Variants in GNG12 observed in about 807,000 individuals in gnomAD.
GNG12 encodes the protein guanine nucleotide-binding protein G(I)/G(S)/G(O) subunit gamma-12.
For synonymous variants in GNG12, 28 were observed against 29.7 expected, an observed-to-expected ratio of 0.94 and a Z score of 0.19; for missense variants, 69 against 83.8, an observed-to-expected ratio of 0.82 and a Z score of 0.69.
intron 1 of GNG12, among the ~76,000 whole-genome samples, chr1:67,823,305 T>C (rs1297153993): frequency 6.6e-6 from 1 of 152,246 alleles, no homozygotes; most frequent in African/African-American, 2.4e-5. Context: ...ATCATCTTCA[T>C]CATGTTTTTT....
At chr1:67,806,980 A>T (rs1323589338) in intron 1 of GNG12, among the ~76,000 whole-genome samples, 2 of 152,170 alleles carry the variant, frequency 1.3e-5, no homozygotes, top group Admixed American at 1.3e-4. Context: ...CAACAACAGA[A>T]TATACATTCT....
chr1:67,709,915 TATATATAGTTATATATATAGTTA>T (rs1371682598), intron 2 of GNG12, among the ~76,000 whole-genome samples: 1 of 46,302 alleles, frequency 2.2e-5, no homozygotes, highest in African/African-American at 7.8e-5. Flanking sequence ...TATATAGTTA[TATATATAGTTATATATATAGTTA>T]TATATATATA....
At chr1:67,792,354 T>C (rs1178614760) in intron 1 of GNG12, among the ~76,000 whole-genome samples, 1 of 152,238 alleles carries the variant, frequency 6.6e-6, no homozygotes, top group Non-Finnish European at 1.5e-5. Context: ...AAATATTTTA[T>C]TGAACTTGAT....
chr1:67,717,093 T>C (rs1646329700), intron 2 of GNG12, among the ~76,000 whole-genome samples: 1 of 152,180 alleles, frequency 6.6e-6, no homozygotes, highest in African/African-American at 2.4e-5. Flanking sequence ...CAGATCTGTA[T>C]TCAAAGGCCT....
Position 67,703,872 on chromosome 1 carries a change from T to G in GNG12, c.*1579A>C, listed in dbSNP as rs926783211. The G allele has an allele frequency of 6.6e-6, 1 of 152,236 alleles. No individual in the cohort carries two copies. Among genetic ancestry groups the G allele is most frequent in the Non-Finnish European group, 1.5e-5 (1 of 68,034 alleles). 9.4% of individuals were successfully genotyped at this position (152,236 alleles called of 1,614,324 possible). A position where few individuals can be genotyped will look rare whatever the true frequency, so the allele number is the denominator to read the frequency against. On this transcript the variant is annotated 3_prime_UTR_variant, in exon 4 of 4. Coordinates refer to ENST00000370982, the MANE Select transcript of GNG12 (RefSeq NM_018841.6). ...AAAGGGGTTTGCTTTCCAGGACAGA[T>G]TGTACAAAATTTGGGAAAATCGTTG...
intron 2 of GNG12, among the ~76,000 whole-genome samples, chr1:67,749,116 T>C (rs1333703427): frequency 2.0e-5 from 3 of 152,186 alleles, no homozygotes; most frequent in Non-Finnish European, 4.4e-5. Flanking sequence ...GCAGAAGGTC[T>C]ACAGACATTA....
chr1:67,825,375 T>C (rs931686891), intron 1 of GNG12, among the ~76,000 whole-genome samples: 1 of 152,214 alleles, frequency 6.6e-6, no homozygotes, highest in African/African-American at 2.4e-5. Flanking sequence ...GTCCGAAGTA[T>C]GAACCAGCAC....
At chr1:67,831,687 C>CT (rs1647046074) in intron 1 of GNG12, among the ~76,000 whole-genome samples, 1 of 152,096 alleles carries the variant, frequency 6.6e-6, no homozygotes, top group South Asian at 2.1e-4. Context: ...CCTTTTATCA[C>CT]TTAAGACTCT....
intron 1 of GNG12, among the ~76,000 whole-genome samples, chr1:67,786,705 T>C (rs968775265): frequency 2.0e-5 from 3 of 152,012 alleles, no homozygotes; most frequent in South Asian, 2.1e-4. Flanking sequence ...GTGGATCACT[T>C]GAGGTCAGGG....
chr1:67,775,838 AG>A (rs1241901601), intron 2 of GNG12, among the ~76,000 whole-genome samples: 1 of 152,222 alleles, frequency 6.6e-6, no homozygotes, highest in Non-Finnish European at 1.5e-5. Context: ...GGAAAATTCC[AG>A]TAGGTCTTGC....
intron 2 of GNG12, among the ~76,000 whole-genome samples, chr1:67,772,905 C>T (rs1177958352): frequency 6.6e-6 from 1 of 152,214 alleles, no homozygotes; most frequent in Non-Finnish European, 1.5e-5. Context: ...GTACTGATAG[C>T]TACCTCTGCC....
chr1:67,737,357 C>A (rs1391637905), intron 2 of GNG12, among the ~76,000 whole-genome samples: 2 of 152,166 alleles, frequency 1.3e-5, no homozygotes, highest in African/African-American at 4.8e-5. Context: ...TAAATGATTT[C>A]TGTTCTAAGG....
rs1336642112 is a variant in GNG12, at chr1:67,818,412, G to GTT, written c.-77+14931_-77+14932insAA. Among the ~76,000 whole-genome samples, 904 of 112,524 alleles carry GTT rather than the reference G, an allele frequency of 8.0e-3. 17 individuals carry two copies. Among genetic ancestry groups the GTT allele is most frequent in the African/African-American group, 0.034 (869 of 25,356 alleles). 73.8% of individuals were successfully genotyped at this position (112,524 alleles called of 152,430 possible). A position where few individuals can be genotyped will look rare whatever the true frequency, so the allele number is the denominator to read the frequency against. On this transcript the variant is annotated intron_variant, in intron 1 of 3. Transcript: ENST00000370982. ...AAATTATTCATGGGGAAAGACCAGG[G>GTT]GTTTTTTTTTTTTTTTTTTTTTTTT...
chr1:67,714,195 A>T (rs183610799), intron 2 of GNG12, among the ~76,000 whole-genome samples: 25 of 151,664 alleles, frequency 1.6e-4, no homozygotes, highest in African/African-American at 6.1e-4. Flanking sequence ...AAAATCAGAA[A>T]ATCCTATAAA....
intron 1 of GNG12, among the ~76,000 whole-genome samples, chr1:67,833,022 A>G (rs1344427665): frequency 6.6e-6 from 1 of 151,650 alleles, no homozygotes; most frequent in African/African-American, 2.4e-5. Flanking sequence ...AGCCCCAGCC[A>G]CAGCCGTGGG....
chr1:67,766,402 C>T (rs1186890874), intron 2 of GNG12, among the ~76,000 whole-genome samples: 1 of 152,130 alleles, frequency 6.6e-6, no homozygotes, highest in Non-Finnish European at 1.5e-5. Flanking sequence ...GCTCCTGCTT[C>T]TTCTCAATAC....
chr1:67,811,642 G>A (rs1174240891), intron 1 of GNG12, among the ~76,000 whole-genome samples: 2 of 152,082 alleles, frequency 1.3e-5, no homozygotes, highest in African/African-American at 2.4e-5. Context: ...GCAACATCTA[G>A]CCTCAACTTG....
At chr1:67,746,228 A>G (rs778903232) in intron 2 of GNG12, among the ~76,000 whole-genome samples, 3 of 152,216 alleles carry the variant, frequency 2.0e-5, no homozygotes, top group Non-Finnish European at 4.4e-5. Flanking sequence ...AACTGGGATA[A>G]TTAAAGGCCA....
intron 2 of GNG12, among the ~76,000 whole-genome samples, chr1:67,723,816 T>C (rs1194162539): frequency 1.3e-5 from 2 of 152,130 alleles, no homozygotes; most frequent in East Asian, 1.9e-4. Context: ...ACTTTTATGA[T>C]TAAGAAAAGA....
Sources: allele counts gnomAD v4.1 joint callset (sites outside exome capture counted in the v4.1 genomes callset), GRCh38; gene constraint gnomAD v4.1.1; transcripts MANE v1.5; gene names NCBI Gene and HGNC (gene_info 2026-07-23, HGNC 2026-07-21).